The following MAPT variants were observed in gnomAD, a reference collection of about 807,000 sequenced individuals.
The protein encoded by MAPT is microtubule-associated protein tau.
MAPT carries 34 observed loss-of-function variants against 67.9 expected under a neutral mutation model. The ratio of observed to expected loss-of-function variants is 0.50; its 90% CI spans 0.38 to 0.67. The LOEUF (loss-of-function observed/expected upper bound fraction) is 0.67. Ranked by LOEUF, MAPT falls within the 30% of genes least tolerant of loss-of-function variation. The pLI, the probability that MAPT is intolerant of heterozygous loss-of-function variation, is 0.00. For missense variants in MAPT, 881 were observed against 1,115.2 expected, an observed-to-expected ratio of 0.79 and a Z score of 2.99; for synonymous variants, 456 against 464.5, an observed-to-expected ratio of 0.98 and a Z score of 0.23.
intron 1 of MAPT, among the ~76,000 whole-genome samples, chr17:45,930,299 C>A (rs1330799761): frequency 1.3e-5 from 2 of 151,078 alleles, no homozygotes. Context: ...ACCAGCTACT[C>A]AAGAGGCTGA....
intron 1 of MAPT, among the ~76,000 whole-genome samples, chr17:45,936,596 T>G (rs1252582278): frequency 6.8e-6 from 1 of 147,590 alleles, no homozygotes; most frequent in Non-Finnish European, 1.5e-5. Context: ...GGAGTCTAGT[T>G]TTTTTGTTCG....
chr17:45,922,040 A>G (rs62058964), intron 1 of MAPT, among the ~76,000 whole-genome samples: 21,733 of 150,688 alleles, frequency 0.14, 2,134 homozygotes, highest in Middle Eastern at 0.22. Context: ...TTTTTCCTCC[A>G]TCACCCAGGC....
At chr17:45,986,078 C>T (rs747885935) in intron 5 of MAPT, among the ~76,000 whole-genome samples, 6 of 152,258 alleles carry the variant, frequency 3.9e-5, no homozygotes, top group Middle Eastern at 3.4e-3. Flanking sequence ...GACAGGTCAG[C>T]GGGTTGGTTT....
At chr17:45,950,637 C>T (rs998357599) in intron 1 of MAPT, among the ~76,000 whole-genome samples, 7 of 152,074 alleles carry the variant, frequency 4.6e-5, no homozygotes, top group African/African-American at 1.7e-4. Flanking sequence ...GTCTAGTTCC[C>T]ATACTTTTAA....
intron 10 of MAPT, 30 bp from the exon 11 acceptor site, chr17:46,014,213 C>T: frequency 5.9e-6 from 8 of 1,348,650 alleles, no homozygotes; most frequent in Non-Finnish European, 6.4e-6. Flanking sequence ...TCTGCCTTTC[C>T]TCTTCTCTCT....
intron 1 of MAPT, among the ~76,000 whole-genome samples, chr17:45,905,997 G>A (rs62056805): frequency 0.14 from 21,816 of 152,198 alleles, 2,139 homozygotes; most frequent in Middle Eastern, 0.22. Context: ...TCAGTCAGAC[G>A]GTGCAGCTGG....
chr17:46,000,402 C>T (rs1477174568), intron 9 of MAPT, among the ~76,000 whole-genome samples: 2 of 152,038 alleles, frequency 1.3e-5, no homozygotes, highest in African/African-American at 4.8e-5. Flanking sequence ...ATCAGGTGGC[C>T]GCACTGGAGC....
chr17:45,981,843 C>T (rs954714575), intron 4 of MAPT, among the ~76,000 whole-genome samples: 3 of 151,708 alleles, frequency 2.0e-5, no homozygotes, highest in Admixed American at 6.6e-5. Flanking sequence ...AAGGAGACCC[C>T]GTCTCCACAA....
At chr17:45,918,750 G>A (rs1261980104) in intron 1 of MAPT, among the ~76,000 whole-genome samples, 1 of 152,186 alleles carries the variant, frequency 6.6e-6, no homozygotes, top group Non-Finnish European at 1.5e-5. Flanking sequence ...CATTTATAAA[G>A]AAAAGAGGTT....
chr17:46,008,697 G>A (rs1162850874), intron 9 of MAPT, among the ~76,000 whole-genome samples: 1 of 152,134 alleles, frequency 6.6e-6, no homozygotes, highest in Non-Finnish European at 1.5e-5. Context: ...AAAAAAACGG[G>A]ATGAACCAGA....
At position 45,999,328 on chromosome 17, in the gene MAPT, A is replaced by G. The variant is rs772273450; in HGVS notation, c.1998+2664A>G. ...CTCATGCATTTTTGCAGCCCCCACAAGACTGTGCAGGTGGCCGGCCCTCAT... is the reference window on the plus strand; with the variant it reads ...CTCATGCATTTTTGCAGCCCCCACAGGACTGTGCAGGTGGCCGGCCCTCAT... On this transcript the variant is annotated intron_variant, in intron 9 of 12. Transcript: ENST00000262410. The G allele has an allele frequency of 3.1e-6, 5 of 1,613,936 alleles. No individual in the cohort carries two copies. In the Admixed American group the frequency reaches 8.3e-5, roughly 27 times the overall value.
chr17:46,020,825 C>A (rs542939416), intron 12 of MAPT, among the ~76,000 whole-genome samples: 1 of 152,138 alleles, frequency 6.6e-6, no homozygotes, highest in African/African-American at 2.4e-5. Flanking sequence ...GTGGGAACTA[C>A]AATTCAAGAT....
At chr17:45,999,490 G>A (rs746124797) in intron 9 of MAPT, 9 of 1,614,012 alleles carry the variant, frequency 5.6e-6, no homozygotes, top group South Asian at 1.1e-5. Flanking sequence ...GGAAGGTGTG[G>A]GCACCATTTG....
intron 1 of MAPT, among the ~76,000 whole-genome samples, chr17:45,934,281 G>A (rs1454598107): frequency 6.6e-6 from 1 of 152,178 alleles, no homozygotes; most frequent in Non-Finnish European, 1.5e-5. Context: ...TGAGGCTACA[G>A]TGAGTTATTT....
chr17:45,962,953 G>A (rs1431909103), intron 2 of MAPT, among the ~76,000 whole-genome samples: 8 of 151,978 alleles, frequency 5.3e-5, no homozygotes. Context: ...AAGAAAGAAA[G>A]AAATTTACCT....
In MAPT at chr17:45,990,379, C is replaced by T. The variant is rs1045024132; in HGVS notation, c.1605+304C>T. On this transcript the variant is annotated intron_variant, in intron 7 of 12. Transcript: ENST00000262410. ...CTGTAATCCCAGCTCTTTAGGAGGC[C>T]GAGGAGGGTGGATCACCTGAGATCA... 30 of 473,784 alleles carry T rather than the reference C, an allele frequency of 6.3e-5. 1 individual carries two copies. In the Admixed American group the frequency reaches 8.6e-4, roughly 14 times the overall value. 29.3% of individuals were successfully genotyped at this position (473,784 alleles called of 1,614,324 possible). A position where few individuals can be genotyped will look rare whatever the true frequency, so the allele number is the denominator to read the frequency against.
chr17:45,905,477 G>A (rs1414302163), intron 1 of MAPT, among the ~76,000 whole-genome samples: 2 of 152,154 alleles, frequency 1.3e-5, no homozygotes, highest in Admixed American at 1.3e-4. Flanking sequence ...TTCGATGGCT[G>A]ATGAGAAATG....
chr17:45,919,939 A>G (rs1005275176), intron 1 of MAPT, among the ~76,000 whole-genome samples: 1 of 152,080 alleles, frequency 6.6e-6, no homozygotes, highest in African/African-American at 2.4e-5. Flanking sequence ...CAAACAAAAG[A>G]AGGCTTAAAG....
chr17:46,012,861 C>G (rs571617321), intron 10 of MAPT, among the ~76,000 whole-genome samples: 2 of 151,924 alleles, frequency 1.3e-5, no homozygotes, highest in African/African-American at 2.4e-5. Context: ...TGGTCCACCC[C>G]CTCAGTGCTG....
Sources: allele counts gnomAD v4.1 joint callset (sites outside exome capture counted in the v4.1 genomes callset), GRCh38; gene constraint gnomAD v4.1.1; transcripts MANE v1.5; gene names NCBI Gene and HGNC (gene_info 2026-07-23, HGNC 2026-07-21).